Variants in ANO2 observed in about 807,000 individuals in gnomAD.
The protein encoded by ANO2 is anoctamin-2.
In ANO2, 101 loss-of-function variants were observed where a neutral mutation model predicts 124.2. That is an observed-to-expected ratio of 0.81 (90% confidence interval 0.69 to 0.96). The LOEUF is 0.96. Ranked by LOEUF, ANO2 falls within the 40% of genes least tolerant of loss-of-function variation. ANO2 has a pLI of 0.00. For synonymous variants in ANO2, 486 were observed against 482.5 expected, an observed-to-expected ratio of 1.01 and a Z score of -0.09; for missense variants, 1,293 against 1,274.5, an observed-to-expected ratio of 1.01 and a Z score of -0.22.
At chr12:5,755,358 TC>T (rs1322641793) in intron 10 of ANO2, among the ~76,000 whole-genome samples, 1 of 150,452 alleles carries the variant, frequency 6.6e-6, no homozygotes, top group African/African-American at 2.4e-5. Flanking sequence ...TCAATTTTTT[TC>T]TTTTTTACAT....
In ANO2 at chr12:5,890,601, G is replaced by C. The variant is rs560552436; in HGVS notation, c.534+30439C>G. Among the ~76,000 whole-genome samples the C allele has an allele frequency of 2.2e-4, 33 of 152,320 alleles. No homozygotes were observed. In the South Asian group the frequency reaches 6.8e-3, roughly 32 times the overall value. ...ATGCAGTCCCCATCCTCAAGGTAGA[G>C]ATGAACATGCAGTTTACAGCGCAAG... On this transcript the variant is annotated intron_variant, in intron 3 of 24. Coordinates refer to ENST00000682330, the MANE Select transcript of ANO2 (RefSeq NM_001364791.2).
chr12:5,923,217 CACACACACAT>C (rs1373276928), intron 1 of ANO2, among the ~76,000 whole-genome samples: 1 of 108,048 alleles, frequency 9.3e-6, no homozygotes, highest in African/African-American at 3.0e-5. Context: ...CACCCACATA[CACACACACAT>C]GCACACATAC....
At chr12:5,761,058 C>CAAAAAAAAAAAAAAAAAAAAAA in intron 10 of ANO2, among the ~76,000 whole-genome samples, 1 of 120,926 alleles carries the variant, frequency 8.3e-6, no homozygotes. Context: ...ACCCCCACAG[C>CAAAAAAAAAAAAAAAAAAAAAA]AAAAAAAAAA....
At chr12:5,707,294 A>G (rs1451855571) in intron 14 of ANO2, among the ~76,000 whole-genome samples, 2 of 152,190 alleles carry the variant, frequency 1.3e-5, no homozygotes, top group Non-Finnish European at 2.9e-5. Flanking sequence ...CTCCCCAGCC[A>G]TGTGGAACTG....
chr12:5,876,386 T>G (rs1248046149), intron 3 of ANO2, among the ~76,000 whole-genome samples: 2 of 151,986 alleles, frequency 1.3e-5, no homozygotes, highest in African/African-American at 2.4e-5. Context: ...TTGGTGGGAG[T>G]GTAAATTAGT....
chr12:5,835,240 G>C (rs936260649), intron 4 of ANO2, among the ~76,000 whole-genome samples: 3 of 152,148 alleles, frequency 2.0e-5, no homozygotes, highest in Non-Finnish European at 4.4e-5. Context: ...TGGACAAAGG[G>C]GTTCTGACGG....
intron 1 of ANO2, among the ~76,000 whole-genome samples, chr12:5,930,328 C>A (rs1025266298): frequency 1.3e-5 from 2 of 152,148 alleles, no homozygotes; most frequent in Admixed American, 1.3e-4. Flanking sequence ...ATATCATCCC[C>A]ACCCCAACCT....
intron 1 of ANO2, among the ~76,000 whole-genome samples, chr12:5,923,264 A>G (rs200941041): frequency 6.2e-5 from 5 of 81,086 alleles, no homozygotes; most frequent in East Asian, 4.0e-4. Context: ...ACATACACAC[A>G]CACACACACA....
At chr12:5,930,815 A>G (rs541477674) in intron 1 of ANO2, among the ~76,000 whole-genome samples, 2 of 152,116 alleles carry the variant, frequency 1.3e-5, no homozygotes, top group African/African-American at 4.8e-5. Flanking sequence ...CTCAGTCTCT[A>G]TATGCAGCCA....
chr12:5,852,899 TGAGA>T (rs141571472), intron 4 of ANO2, among the ~76,000 whole-genome samples: 9 of 141,830 alleles, frequency 6.3e-5, no homozygotes, highest in East Asian at 4.0e-4. Context: ...GTGGTGTATA[TGAGA>T]GAGAGAGAGA....
At chr12:5,732,810 A>G in intron 13 of ANO2, 180 bp from the exon 14 acceptor site, 2 of 1,609,746 alleles carry the variant, frequency 1.2e-6, no homozygotes, top group East Asian at 4.5e-5. Context: ...ATAAGAACAC[A>G]ACGTGAGGAA....
chr12:5,690,212 G>C lies in ANO2; in HGVS notation c.1545+42308C>G, dbSNP rs1351260006. ...ACACCAACACACTACAGGGAAAGTG[G>C]CAAAGTTCTCAAAAGAAAACTCAGA... On this transcript the variant is annotated intron_variant, in intron 14 of 24. Coordinates refer to ENST00000682330, the MANE Select transcript of ANO2 (RefSeq NM_001364791.2). 2.0e-5 allele frequency among the ~76,000 whole-genome samples: 3 copies of C among 152,156 alleles called. 1 individual carries two copies. The highest frequency in any genetic ancestry group is 7.2e-5 in the African/African-American group (3 of 41,432).
At chr12:5,809,725 C>A (rs750783662) in intron 7 of ANO2, among the ~76,000 whole-genome samples, 1 of 152,182 alleles carries the variant, frequency 6.6e-6, no homozygotes, top group Non-Finnish European at 1.5e-5. Context: ...TGGAAGTGGG[C>A]AGCTTGCTTC....
At chr12:5,805,200 G>A (rs1214647674) in intron 9 of ANO2, among the ~76,000 whole-genome samples, 1 of 152,134 alleles carries the variant, frequency 6.6e-6, no homozygotes, top group Non-Finnish European at 1.5e-5. Flanking sequence ...TCATAACAGG[G>A]ACTAATAGGC....
At chr12:5,675,793 G>T (rs1450969533) in intron 14 of ANO2, among the ~76,000 whole-genome samples, 3 of 152,192 alleles carry the variant, frequency 2.0e-5, no homozygotes, top group Admixed American at 6.5e-5. Context: ...AGATCTCAAT[G>T]ATCTGTGCAT....
intron 7 of ANO2, among the ~76,000 whole-genome samples, chr12:5,808,359 T>C (rs1299839071): frequency 6.6e-6 from 1 of 152,244 alleles, no homozygotes; most frequent in Non-Finnish European, 1.5e-5. Context: ...CGTTATTTAC[T>C]TGTTTCATTC....
At chr12:5,706,181 T>C (rs1949602333) in intron 14 of ANO2, among the ~76,000 whole-genome samples, 1 of 152,182 alleles carries the variant, frequency 6.6e-6, no homozygotes, top group Admixed American at 6.5e-5. Flanking sequence ...CCTTATTTTC[T>C]CCTCGCAAAA....
chr12:5,576,082 G>A (rs1942390006), intron 22 of ANO2, 67 bp from the exon 23 acceptor site: 2 of 1,446,242 alleles, frequency 1.4e-6, no homozygotes, highest in African/African-American at 1.4e-5. Context: ...CCACTCTTAG[G>A]CTCCCCATCA....
intron 14 of ANO2, among the ~76,000 whole-genome samples, chr12:5,680,356 C>T (rs1345839029): frequency 1.3e-5 from 2 of 151,684 alleles, no homozygotes; most frequent in Non-Finnish European, 2.9e-5. Flanking sequence ...CTATCTGGGA[C>T]CTACAATTAA....
Sources: gnomAD v4.1 joint callset for allele counts (sites outside exome capture counted in the v4.1 genomes callset) on GRCh38, gnomAD v4.1.1 for gene constraint, MANE v1.5 for transcripts, NCBI Gene and HGNC (gene_info 2026-07-23, HGNC 2026-07-21) for gene names.